PLCB4: variants seen among roughly 807,000 people sequenced by gnomAD.
PLCB4 encodes the protein phospholipase C beta 4.
A neutral mutation model predicts 178.8 loss-of-function variants in PLCB4; 77 were observed. That is an observed-to-expected ratio of 0.43 (90% CI 0.36 to 0.52). The LOEUF (loss-of-function observed/expected upper bound fraction) is 0.52. Among genes scored for constraint, PLCB4 ranks in the 20% least tolerant of loss-of-function variants. The pLI is 0.00. For synonymous variants in PLCB4, 496 were observed against 490.8 expected, an observed-to-expected ratio of 1.01 and a Z score of -0.14; for missense variants, 1,024 against 1,453.4, an observed-to-expected ratio of 0.70 and a Z score of 4.80.
chr20:9,256,339 T>C lies in PLCB4; in HGVS notation c.-16+38887T>C, dbSNP rs1441959981. 2.6e-5 allele frequency among the ~76,000 whole-genome samples: 4 copies of C among 152,160 alleles called. 1 individual carries two copies. Among genetic ancestry groups the C allele is most frequent in the Admixed American group, 2.6e-4 (4 of 15,274 alleles). ...CTTCACCCTGATGCTCATTGTCTCA[T>C]GGTTGCGAGATACATCCTGTACCTC... On this transcript the variant is annotated intron_variant, in intron 3 of 39. Coordinates refer to ENST00000378473, the MANE Select transcript of PLCB4 (RefSeq NM_001377142.1).
At chr20:9,184,757 G>A (rs778947082) in intron 2 of PLCB4, among the ~76,000 whole-genome samples, 3 of 151,960 alleles carry the variant, frequency 2.0e-5, no homozygotes, top group Admixed American at 2.0e-4. Context: ...TATAACACAC[G>A]CATCTAGGAG....
chr20:9,473,391 C>T, intron 38 of PLCB4, 26 bp downstream of exon 38: 1 of 1,351,920 alleles, frequency 7.4e-7, no homozygotes, highest in Non-Finnish European at 1.0e-6. Context: ...TACGTAAAAA[C>T]ATGCAGGCAG....
intron 3 of PLCB4, among the ~76,000 whole-genome samples, chr20:9,256,871 T>G (rs2094241712): frequency 6.6e-6 from 1 of 152,192 alleles, no homozygotes; most frequent in East Asian, 1.9e-4. Flanking sequence ...AGGACTTTGT[T>G]TACATGTGAC....
chr20:9,217,735 A>G (rs921693558), intron 3 of PLCB4, among the ~76,000 whole-genome samples: 1 of 152,186 alleles, frequency 6.6e-6, no homozygotes, highest in Non-Finnish European at 1.5e-5. Context: ...TAAGCATCAC[A>G]TGTTTTTGAA....
At chr20:9,420,019 C>T (rs529721535) in intron 26 of PLCB4, 110 bp downstream of exon 26, 7 of 606,652 alleles carry the variant, frequency 1.2e-5, no homozygotes, top group East Asian at 5.4e-5. Flanking sequence ...CTGCTCACAA[C>T]TTTGACTTAA....
intron 28 of PLCB4, among the ~76,000 whole-genome samples, chr20:9,431,721 G>A (rs998095290): frequency 1.3e-5 from 2 of 150,352 alleles, no homozygotes; most frequent in East Asian, 3.9e-4. Context: ...TGTTGACCAG[G>A]CTGATCTTAA....
At chr20:9,152,125 G>A (rs1240864937) in intron 2 of PLCB4, among the ~76,000 whole-genome samples, 1 of 152,112 alleles carries the variant, frequency 6.6e-6, no homozygotes, top group Non-Finnish European at 1.5e-5. Context: ...GCTGTTAAAG[G>A]CTTTCAGTTT....
chr20:9,166,487 G>C (rs2092973457), intron 2 of PLCB4: 1 of 152,202 alleles, frequency 6.6e-6, no homozygotes, highest in Admixed American at 6.5e-5. Flanking sequence ...TTGTAGCGGA[G>C]GGGTGGGACT....
At chr20:9,263,446 G>T (rs1411679838) in intron 3 of PLCB4, among the ~76,000 whole-genome samples, 1 of 152,172 alleles carries the variant, frequency 6.6e-6, no homozygotes, top group East Asian at 1.9e-4. Context: ...TGGACCAGCA[G>T]CTTTAGCATC....
At chr20:9,096,943 T>A (rs1206574838) in intron 2 of PLCB4, among the ~76,000 whole-genome samples, 1 of 152,066 alleles carries the variant, frequency 6.6e-6, no homozygotes, top group Non-Finnish European at 1.5e-5. Context: ...TTCTTTTTTT[T>A]TTCTTTTCTG....
chr20:9,435,892 A>G (rs1339975385), intron 29 of PLCB4, among the ~76,000 whole-genome samples: 2 of 152,250 alleles, frequency 1.3e-5, no homozygotes, highest in Non-Finnish European at 2.9e-5. Flanking sequence ...CCCCTTCCCC[A>G]TTAGAAAGAA....
chr20:9,404,841 C>A (rs899856365), intron 20 of PLCB4, among the ~76,000 whole-genome samples: 6 of 152,154 alleles, frequency 3.9e-5, no homozygotes, highest in African/African-American at 1.4e-4. Flanking sequence ...GAGGCAAGCT[C>A]TCTCTTGGCT....
intron 35 of PLCB4, among the ~76,000 whole-genome samples, chr20:9,462,278 A>G (rs1295348901): frequency 2.0e-5 from 3 of 147,656 alleles, no homozygotes; most frequent in Non-Finnish European, 4.4e-5. Flanking sequence ...CATCAAAGAC[A>G]AAAGGTAGAT....
At chr20:9,200,032 C>T (rs1025301340) in intron 2 of PLCB4, among the ~76,000 whole-genome samples, 4 of 145,044 alleles carry the variant, frequency 2.8e-5, no homozygotes, top group African/African-American at 1.0e-4. Flanking sequence ...TTGATCTTTA[C>T]TCAGAATTCT....
chr20:9,244,612 A>G (rs1370484190), intron 3 of PLCB4, among the ~76,000 whole-genome samples: 2 of 152,226 alleles, frequency 1.3e-5, no homozygotes, highest in Non-Finnish European at 2.9e-5. Context: ...TGTTAGAAAC[A>G]ACAGTTTAGT....
intron 20 of PLCB4, 24 bp from the exon 21 acceptor site, chr20:9,405,289 A>G (rs971063272): frequency 2.8e-6 from 4 of 1,454,404 alleles, no homozygotes; most frequent in African/African-American, 2.8e-5. Flanking sequence ...AGAAGTAAAC[A>G]AATTATTTCC....
intron 3 of PLCB4, among the ~76,000 whole-genome samples, chr20:9,276,263 T>A (rs1221325586): frequency 3.3e-5 from 5 of 152,058 alleles, no homozygotes; most frequent in Non-Finnish European, 5.9e-5. Context: ...AAATTCACCC[T>A]GGAGTCAATG....
chr20:9,146,846 C>T (rs749938013), intron 2 of PLCB4, among the ~76,000 whole-genome samples: 24 of 151,968 alleles, frequency 1.6e-4, no homozygotes, highest in Non-Finnish European at 2.6e-4. Context: ...AAGGAATTGG[C>T]GAGGTCAGCA....
chr20:9,160,853 GA>G (rs1252044471), intron 2 of PLCB4, among the ~76,000 whole-genome samples: 2 of 152,124 alleles, frequency 1.3e-5, no homozygotes, highest in East Asian at 3.9e-4. Context: ...TTTCTCTTGG[GA>G]AATTACTCAT....
Sources: allele counts gnomAD v4.1 joint callset (sites outside exome capture counted in the v4.1 genomes callset), GRCh38; gene constraint gnomAD v4.1.1; transcripts MANE v1.5; gene names NCBI Gene and HGNC (gene_info 2026-07-23, HGNC 2026-07-21).